CNIH3: variants seen among roughly 807,000 people sequenced by gnomAD.
The protein encoded by CNIH3 is protein cornichon homolog 3.
Under a neutral mutation model 24.1 loss-of-function variants are expected in CNIH3, and 14 were observed. That is an observed-to-expected ratio of 0.58 (90% CI 0.38 to 0.91). The LOEUF (loss-of-function observed/expected upper bound fraction) is 0.91, where lower values mean the gene tolerates loss of function less well. CNIH3 is among the 40% of genes least tolerant of loss of function. CNIH3 has a pLI of 0.00. For synonymous variants in CNIH3, 68 were observed against 73.8 expected, an observed-to-expected ratio of 0.92 and a Z score of 0.40; for missense variants, 178 against 196.8, an observed-to-expected ratio of 0.90 and a Z score of 0.57.
rs55987727 is a variant in CNIH3 at position 224,657,066 on chromosome 1, G to A, written c.82-23892G>A. On this transcript the variant is annotated intron_variant, in intron 1 of 5. Transcript: ENST00000272133. Reference sequence around the variant, plus strand: ...CTTTGTTTTCATTTTGGTCTCTTTCGGTCTCGATATGCCAGAGGCAACATT... The same window carrying A: ...CTTTGTTTTCATTTTGGTCTCTTTCAGTCTCGATATGCCAGAGGCAACATT... Among the ~76,000 whole-genome samples the A allele has an allele frequency of 9.4e-3, 1,437 of 152,086 alleles. 17 individuals are homozygous for A. The highest frequency in any genetic ancestry group is 0.033 in the African/African-American group (1,353 of 41,462).
intron 1 of CNIH3, among the ~76,000 whole-genome samples, chr1:224,475,719 T>G (rs1348410304): frequency 6.6e-6 from 1 of 152,214 alleles, no homozygotes; most frequent in Non-Finnish European, 1.5e-5. Context: ...AGGGAATACT[T>G]GTAAACCTAA....
At chr1:224,517,832 C>T (rs112404304) in intron 1 of CNIH3, among the ~76,000 whole-genome samples, 67 of 152,208 alleles carry the variant, frequency 4.4e-4, no homozygotes, top group African/African-American at 1.4e-3. Flanking sequence ...TATTTCTGAG[C>T]AAATCTTTGC....
At chr1:224,471,650 G>A (rs1482238877) in intron 1 of CNIH3, among the ~76,000 whole-genome samples, 4 of 151,584 alleles carry the variant, frequency 2.6e-5, no homozygotes, top group Admixed American at 1.3e-4. Context: ...GAGTGCAGTG[G>A]CGTGATCTCG....
At chr1:224,690,169 C>T (rs138870916) in intron 3 of CNIH3, among the ~76,000 whole-genome samples, 65 of 152,286 alleles carry the variant, frequency 4.3e-4, no homozygotes. Context: ...GTGAAATGTT[C>T]ACATCCCTTA....
At chr1:224,651,774 T>G (rs1268246287) in intron 1 of CNIH3, among the ~76,000 whole-genome samples, 1 of 152,238 alleles carries the variant, frequency 6.6e-6, no homozygotes, top group Non-Finnish European at 1.5e-5. Flanking sequence ...TAGTTTTTTG[T>G]GATCTCAGAC....
chr1:224,528,770 T>C (rs1194058496), intron 2 of CNIH3, among the ~76,000 whole-genome samples: 9 of 152,256 alleles, frequency 5.9e-5, no homozygotes, highest in Non-Finnish European at 1.3e-4. Flanking sequence ...GACAAATTCA[T>C]TTTTAAAAAG....
chr1:224,602,111 T>G (rs1283197805), intron 3 of CNIH3, among the ~76,000 whole-genome samples: 1 of 152,254 alleles, frequency 6.6e-6, no homozygotes, highest in Non-Finnish European at 1.5e-5. Context: ...TTAAAATACA[T>G]TATTAAATGC....
At chr1:224,686,777 G>T (rs1686682172) in intron 3 of CNIH3, among the ~76,000 whole-genome samples, 1 of 152,226 alleles carries the variant, frequency 6.6e-6, no homozygotes, top group Admixed American at 6.5e-5. Context: ...GCAGGCAATG[G>T]CCAAGGTCCT....
At chr1:224,495,114 T>C (rs2124855599) in intron 1 of CNIH3, among the ~76,000 whole-genome samples, 1 of 152,290 alleles carries the variant, frequency 6.6e-6, no homozygotes, top group East Asian at 1.9e-4. Context: ...TGAGAGTAGT[T>C]CCCGTGGTAG....
rs991364965 is a variant in CNIH3, at chr1:224,729,158, C to T, written c.199-1304C>T. Among the ~76,000 whole-genome samples the T allele has an allele frequency of 7.9e-5, 12 of 152,044 alleles. 1 individual carries two copies. In the South Asian group the frequency reaches 1.5e-3, roughly 18 times the overall value. On this transcript the variant is annotated intron_variant, in intron 3 of 5. Coordinates refer to ENST00000272133, the MANE Select transcript of CNIH3 (RefSeq NM_152495.2). ...GGGGACGGTGGCTCGTACCTGTAAT[C>T]GCAGCACTTTGGGAGGCCGAGGTGG... is the stretch of plus-strand genomic sequence containing the variant.
intron 3 of CNIH3, among the ~76,000 whole-genome samples, chr1:224,563,371 A>C (rs116789836): frequency 0.016 from 2,497 of 152,226 alleles, 65 homozygotes; most frequent in African/African-American, 0.055. Flanking sequence ...GAGAAGGACA[A>C]TAGAAAGTAG....
chr1:224,465,100 G>A lies in CNIH3; in HGVS notation n.203+30238G>A, dbSNP rs181637483. ...TAAGCTGAGGCACCCAGCCAAGATA[G>A]TTAGAATTATCTTTTTTTTTTTTTT... On this transcript the variant is annotated intron_variant and non_coding_transcript_variant, in intron 1 of 5. Transcript: ENST00000471578. Among the ~76,000 whole-genome samples the A allele has an allele frequency of 1.2e-4, 18 of 150,906 alleles. No homozygotes were observed. In the East Asian group the frequency reaches 2.5e-3, roughly 21 times the overall value.
chr1:224,593,282 A>G (rs1681840387), downstream of CNIH3, among the ~76,000 whole-genome samples: 1 of 151,820 alleles, frequency 6.6e-6, no homozygotes, highest in African/African-American at 2.4e-5. Flanking sequence ...AGCCACCCAA[A>G]TAGCTGGGAC....
intron 1 of CNIH3, among the ~76,000 whole-genome samples, chr1:224,465,896 C>T (rs1042354843): frequency 4.6e-5 from 7 of 152,064 alleles, no homozygotes; most frequent in African/African-American, 9.7e-5. Flanking sequence ...GGCATGGTGT[C>T]GGGCACCTGT....
At chr1:224,605,188 CTG>C (rs1682368614) in intron 3 of CNIH3, among the ~76,000 whole-genome samples, 1 of 152,200 alleles carries the variant, frequency 6.6e-6, no homozygotes, top group South Asian at 2.1e-4. Flanking sequence ...TTAATCCTGT[CTG>C]AGAATTTAAC....
chr1:224,496,661 TC>T (rs1468211618), intron 1 of CNIH3, among the ~76,000 whole-genome samples: 4 of 152,210 alleles, frequency 2.6e-5, no homozygotes, highest in East Asian at 3.9e-4. Context: ...ACAGGATGGG[TC>T]CCTTCCCTCA....
downstream of CNIH3, among the ~76,000 whole-genome samples, chr1:224,540,753 G>A (rs2124948513): frequency 6.6e-6 from 1 of 152,282 alleles, no homozygotes; most frequent in Non-Finnish European, 1.5e-5. Flanking sequence ...TAAGTGGTGA[G>A]AAAAGGAAGT....
intron 3 of CNIH3, among the ~76,000 whole-genome samples, chr1:224,599,403 T>G (rs909487523): frequency 1.3e-5 from 2 of 152,210 alleles, no homozygotes; most frequent in Non-Finnish European, 2.9e-5. Flanking sequence ...AATTTTTGAT[T>G]ACCTTCAATC....
chr1:224,671,002 G>T (rs1205012698), intron 1 of CNIH3, among the ~76,000 whole-genome samples: 1 of 152,192 alleles, frequency 6.6e-6, no homozygotes, highest in South Asian at 2.1e-4. Context: ...GGTCCAGATA[G>T]AACAAAAGAC....
Sources: gnomAD v4.1 joint callset for allele counts (sites outside exome capture counted in the v4.1 genomes callset) on GRCh38, gnomAD v4.1.1 for gene constraint, MANE v1.5 for transcripts, NCBI Gene and HGNC (gene_info 2026-07-23, HGNC 2026-07-21) for gene names.